The following MYO10 variants were observed in gnomAD, a reference collection of about 807,000 sequenced individuals.
MYO10 encodes myosin X, also known as unconventional myosin-X.
MYO10 carries 133 observed loss-of-function variants against 257.3 expected under a neutral mutation model. The observed-to-expected ratio is 0.52, with a 90% CI of 0.45 to 0.60. The LOEUF (loss-of-function observed/expected upper bound fraction) is 0.60, where lower values mean the gene tolerates loss of function less well. Ranked by LOEUF, MYO10 falls within the 20% of genes least tolerant of loss-of-function variation. The pLI, the probability that MYO10 is intolerant of heterozygous loss-of-function variation, is 0.00. For missense variants in MYO10, 2,399 were observed against 2,635.7 expected, an observed-to-expected ratio of 0.91 and a Z score of 1.97; for synonymous variants, 1,104 against 1,028.6, an observed-to-expected ratio of 1.07 and a Z score of -1.40.
chr5:16,912,935 C>T (rs189612089), intron 1 of MYO10, among the ~76,000 whole-genome samples: 65 of 150,290 alleles, frequency 4.3e-4, no homozygotes, highest in Middle Eastern at 6.8e-3. Context: ...TACAGGCATG[C>T]TTTCTGGCCA....
Position 16,683,880 on chromosome 5 carries a change from C to G in MYO10, c.4046G>C (p.Arg1349Thr), listed in dbSNP as rs745623134. The stretch of plus-strand genomic sequence containing the variant: ...TGTTAAGAGCCACATCTGAGCTTAC[C>G]TATCAGGGCTGTCAGAGGCACACAC... ...DSVCASDSPD[R>T]PNSFVIITAN... Residue 1349 changes from arginine (R) to threonine (T), a missense_variant and splice_region_variant, in exon 30 of 41, where the codon AGA becomes ACA. Around this residue, in one of 3 missense-constraint regions of MYO10, gnomAD observed 1,820 missense variants for 1,939.4 expected, o/e 0.94. Coordinates refer to ENST00000513610, the MANE Select transcript of MYO10 (RefSeq NM_012334.3). 1.9e-6 allele frequency: 3 copies of G among 1,613,732 alleles called. No individual in the cohort carries two copies. The highest frequency in any genetic ancestry group is 2.5e-6 in the Non-Finnish European group (3 of 1,179,814).
chr5:16,862,593 T>A (rs1227365910), intron 2 of MYO10, among the ~76,000 whole-genome samples: 5 of 152,198 alleles, frequency 3.3e-5, no homozygotes, highest in African/African-American at 1.2e-4. Context: ...AACAAAAGCA[T>A]AGTATTTATT....
At chr5:16,865,557 T>TC (rs1289587127) in intron 2 of MYO10, among the ~76,000 whole-genome samples, 1 of 152,158 alleles carries the variant, frequency 6.6e-6, no homozygotes, top group African/African-American at 2.4e-5. Context: ...ATGCCTGTAA[T>TC]CCCAGCACTT....
chr5:16,866,048 CACACACACACAA>C (rs1038001967), intron 2 of MYO10, among the ~76,000 whole-genome samples: 1 of 147,794 alleles, frequency 6.8e-6, no homozygotes, highest in African/African-American at 2.5e-5. Flanking sequence ...CACACACACA[CACACACACACAA>C]AACAATAGAG....
rs190814843 is a variant in MYO10, at chr5:16,689,732, G to C, written c.3896+92C>G. ...AAAAAGTCAATTAAAATTTTTCAAGGCCAGTACAGTAAACAGTGCTCTGTG... is the reference window on the plus strand; with the variant it reads ...AAAAAGTCAATTAAAATTTTTCAAGCCCAGTACAGTAAACAGTGCTCTGTG... On this transcript the variant is annotated intron_variant, in intron 28 of 40. Transcript: ENST00000513610. 8.4e-5 allele frequency: 88 copies of C among 1,050,430 alleles called. No homozygotes were observed. The Admixed American group carries it at 1.7e-3, about 21-fold the overall frequency. The allele number at this position is 1,050,430 out of a possible 1,614,324, so 65.1% of individuals were successfully genotyped here.
chr5:16,884,485 A>G (rs1292886610), intron 1 of MYO10, among the ~76,000 whole-genome samples: 1 of 152,248 alleles, frequency 6.6e-6, no homozygotes, highest in Non-Finnish European at 1.5e-5. Flanking sequence ...TAAATTCAAC[A>G]GCCAAAAGAA....
intron 19 of MYO10, among the ~76,000 whole-genome samples, chr5:16,731,120 A>T (rs564610780): frequency 1.4e-5 from 2 of 147,004 alleles, no homozygotes; most frequent in Non-Finnish European, 3.0e-5. Context: ...ATCTTGGCTC[A>T]CTGCAACCTC....
chr5:16,827,901 T>A (rs253320), intron 2 of MYO10, among the ~76,000 whole-genome samples: 10,896 of 152,102 alleles, frequency 0.072, 1,312 homozygotes, highest in African/African-American at 0.25. Context: ...TCACAGAGGA[T>A]CAGAGAAGTC....
Position 16,762,112 on chromosome 5 carries a change from T to C in MYO10, c.1589A>G (p.Asn530Ser), listed in dbSNP as rs760527969. The C allele has an allele frequency of 8.0e-5, 97 of 1,217,392 alleles. No individual in the cohort carries two copies. Among genetic ancestry groups the C allele is most frequent in the Non-Finnish European group, 9.2e-5 (85 of 927,638 alleles). 75.4% of individuals were successfully genotyped at this position (1,217,392 alleles called of 1,614,324 possible). Residue 530 changes from asparagine to serine, a missense_variant and splice_region_variant, in exon 16 of 41, where the codon AAT becomes AGT. Coordinates refer to ENST00000513610, the MANE Select transcript of MYO10 (RefSeq NM_012334.3). ...TCTGGGCTTCACATAAAAGTGGTTATTCTAAAAAAAAAAAAAAAAAAAAAA... is the reference window on the plus strand; with the variant it reads ...TCTGGGCTTCACATAAAAGTGGTTACTCTAAAAAAAAAAAAAAAAAAAAAA... Reference protein sequence around the residue: ...LLEKLHSQHANNHFYVKPRVA... With the variant: ...LLEKLHSQHASNHFYVKPRVA...
At chr5:16,821,087 A>G (rs1531823) in intron 2 of MYO10, among the ~76,000 whole-genome samples, 133,404 of 146,724 alleles carry the variant, frequency 0.91, 60,983 homozygotes, top group South Asian at 0.97. Context: ...TTTTATATAC[A>G]TATAATGTAT....
chr5:16,909,619 T>A (rs1489970969), intron 1 of MYO10, among the ~76,000 whole-genome samples: 1 of 151,780 alleles, frequency 6.6e-6, no homozygotes, highest in Non-Finnish European at 1.5e-5. Context: ...ACTGGGTCCC[T>A]CCAACGACAC....
intron 1 of MYO10, among the ~76,000 whole-genome samples, chr5:16,891,675 T>C (rs1414538874): frequency 6.6e-6 from 1 of 152,168 alleles, no homozygotes. Flanking sequence ...GAGACAACTA[T>C]GCAGACAAAT....
intron 9 of MYO10, among the ~76,000 whole-genome samples, chr5:16,777,293 G>A (rs1473931447): frequency 2.0e-5 from 3 of 152,180 alleles, no homozygotes; most frequent in African/African-American, 7.2e-5. Flanking sequence ...CATTATAAAT[G>A]GCAGGTTGTG....
chr5:16,808,022 G>C (rs1742328389), intron 3 of MYO10, among the ~76,000 whole-genome samples: 1 of 152,110 alleles, frequency 6.6e-6, no homozygotes, highest in South Asian at 2.1e-4. Flanking sequence ...TGGTACCCAG[G>C]CAGGGCGGCA....
At chr5:16,711,959 C>T (rs887452057) in intron 19 of MYO10, among the ~76,000 whole-genome samples, 16 of 152,036 alleles carry the variant, frequency 1.1e-4, no homozygotes, top group African/African-American at 1.2e-4. Context: ...AAATGTACCA[C>T]CACTTTAAAA....
At chr5:16,677,416 C>CTTTTTTT (rs796474728) in intron 33 of MYO10, among the ~76,000 whole-genome samples, 4 of 119,380 alleles carry the variant, frequency 3.4e-5, no homozygotes, top group Non-Finnish European at 5.2e-5. Context: ...GTAACTTGAC[C>CTTTTTTT]TTTTTTTTTT....
At chr5:16,866,120 T>C (rs1023212737) in intron 2 of MYO10, among the ~76,000 whole-genome samples, 2 of 151,960 alleles carry the variant, frequency 1.3e-5, no homozygotes, top group African/African-American at 2.4e-5. Flanking sequence ...TTCATTTTCC[T>C]TTCAATTCAA....
chr5:16,692,512 T>A (rs1737555041), intron 27 of MYO10, among the ~76,000 whole-genome samples: 1 of 152,236 alleles, frequency 6.6e-6, no homozygotes. Context: ...TAACATTATT[T>A]TTTTAATGTC....
chr5:16,718,675 A>G (rs1739009049), intron 19 of MYO10, among the ~76,000 whole-genome samples: 1 of 151,824 alleles, frequency 6.6e-6, no homozygotes, highest in African/African-American at 2.4e-5. Context: ...TGAGTGCACC[A>G]ATCGACACTC....
Sources: gnomAD v4.1 joint callset for allele counts (sites outside exome capture counted in the v4.1 genomes callset) on GRCh38, gnomAD v4.1.1 for gene constraint, gnomAD v4.1.1 regional missense constraint, MANE v1.5 for transcripts, NCBI Gene and HGNC (gene_info 2026-07-23, HGNC 2026-07-21) for gene names.